The following HEG1 variants were observed in gnomAD, a reference collection of about 807,000 sequenced individuals.
HEG1 encodes the protein heart development protein with EGF like domains 1.
Under a neutral mutation model 125.6 loss-of-function variants are expected in HEG1, and 56 were observed. The observed-to-expected ratio is 0.45, with a 90% confidence interval of 0.36 to 0.56. HEG1 has a LOEUF of 0.56. Ranked by LOEUF, HEG1 falls within the 20% of genes least tolerant of loss-of-function variation. HEG1 has a pLI of 0.00. For missense variants in HEG1, 1,523 were observed against 1,670.0 expected (o/e 0.91, Z 1.53); for synonymous variants, 644 against 668.5 (o/e 0.96, Z 0.57).
chr3:124,991,077 G>C, intron 12 of HEG1, 91 bp from the exon 13 acceptor site: 1 of 923,210 alleles, frequency 1.1e-6, no homozygotes, highest in Admixed American at 2.4e-5. Flanking sequence ...AAGTCCACAA[G>C]ATTATTCTAG....
At chr3:125,034,722 C>A (rs866986099) in intron 1 of HEG1, among the ~76,000 whole-genome samples, 1 of 152,072 alleles carries the variant, frequency 6.6e-6, no homozygotes, top group Admixed American at 6.6e-5. Flanking sequence ...ATTGCTTGAG[C>A]CCGAGACATG....
chr3:125,019,808 T>C (rs926273754), intron 4 of HEG1, among the ~76,000 whole-genome samples: 1 of 152,244 alleles, frequency 6.6e-6, no homozygotes, highest in African/African-American at 2.4e-5. Flanking sequence ...TATAACTTGT[T>C]GAACAGGGGA....
rs560393716 is a variant in HEG1, at chr3:125,038,573, G to A, written c.317-9085C>T. Among the ~76,000 whole-genome samples the A allele has an allele frequency of 3.3e-5, 5 of 152,294 alleles. No individual in the cohort carries two copies. In the South Asian group the frequency reaches 6.2e-4, roughly 19 times the overall value. On this transcript the variant is annotated intron_variant, in intron 1 of 16. Coordinates refer to ENST00000311127, the MANE Select transcript of HEG1 (RefSeq NM_020733.2). ...GCTTTACACCATTCCAGGTGGCATC[G>A]CAGTGGGGACAATGGGTCAAATGCT...
chr3:124,991,059 C>T, intron 12 of HEG1, 73 bp from the exon 13 acceptor site: 3 of 1,188,998 alleles, frequency 2.5e-6, no homozygotes, highest in Non-Finnish European at 2.4e-6. Flanking sequence ...TAAACGCCAG[C>T]CACCCTAAAG....
chr3:125,028,012 C>A (rs1579428271), intron 2 of HEG1, among the ~76,000 whole-genome samples: 1 of 151,962 alleles, frequency 6.6e-6, no homozygotes, highest in African/African-American at 2.4e-5. Context: ...GACCTGAAAC[C>A]ATGGAGTCAT....
intron 12 of HEG1, among the ~76,000 whole-genome samples, chr3:124,991,505 T>C (rs1936833845): frequency 6.6e-6 from 1 of 152,068 alleles, no homozygotes; most frequent in African/African-American, 2.4e-5. Context: ...GCTCTCAATC[T>C]CCCAGCTATA....
rs1236929863 is a variant in HEG1 at position 125,052,831 on chromosome 3, A to G, written c.316+2744T>C. 2.0e-5 allele frequency among the ~76,000 whole-genome samples: 3 copies of G among 152,240 alleles called. No homozygotes were observed. The East Asian group carries it at 5.8e-4, about 29-fold the overall frequency. On this transcript the variant is annotated intron_variant, in intron 1 of 16. Transcript: ENST00000311127. Reference sequence around the variant, plus strand: ...TCTCCAGGGACTTACAGTCTAATACAGGCAAACAATCCACATAATGGAATG... The same window carrying G: ...TCTCCAGGGACTTACAGTCTAATACGGGCAAACAATCCACATAATGGAATG...
chr3:125,011,160 C>G (rs560191006), intron 6 of HEG1, among the ~76,000 whole-genome samples: 1 of 151,612 alleles, frequency 6.6e-6, no homozygotes, highest in Non-Finnish European at 1.5e-5. Context: ...TTAGAGAAGC[C>G]GAAGCCTACA....
chr3:125,033,853 A>C (rs776224106), intron 1 of HEG1, among the ~76,000 whole-genome samples: 4 of 152,208 alleles, frequency 2.6e-5, no homozygotes, highest in African/African-American at 7.2e-5. Context: ...AGGAGCAAGA[A>C]CATTATTGTG....
Position 125,055,911 on chromosome 3 carries a change from C to T in HEG1, c.-21G>A, listed in dbSNP as rs1476157002. 2.5e-4 allele frequency: 246 copies of T among 976,454 alleles called. No homozygotes were observed. Among genetic ancestry groups the T allele is most frequent in the Non-Finnish European group, 2.9e-4 (237 of 825,476 alleles). 60.5% of individuals were successfully genotyped at this position (976,454 alleles called of 1,614,324 possible). On this transcript the variant is annotated 5_prime_UTR_variant, in exon 1 of 17. Coordinates refer to ENST00000311127, the MANE Select transcript of HEG1 (RefSeq NM_020733.2). Reference sequence around the variant, plus strand: ...GCCATGGTGACGGCGCCCGCCCGCGCTCACATGCCCGGCGCGCGGGGCGAG... The same window carrying T: ...GCCATGGTGACGGCGCCCGCCCGCGTTCACATGCCCGGCGCGCGGGGCGAG...
At chr3:125,021,268 T>C in intron 3 of HEG1, 138 bp from the exon 4 acceptor site, 1 of 655,480 alleles carries the variant, frequency 1.5e-6, no homozygotes, top group Non-Finnish European at 2.6e-6. Flanking sequence ...TACAAACATA[T>C]CTATACACAC....
intron 1 of HEG1, among the ~76,000 whole-genome samples, chr3:125,034,879 G>C (rs1330293307): frequency 1.3e-5 from 2 of 152,146 alleles, no homozygotes; most frequent in Non-Finnish European, 2.9e-5. Context: ...ATGAAAAAGA[G>C]GTTAAGAGAC....
At chr3:125,017,686 T>C (rs921661536) in intron 5 of HEG1, among the ~76,000 whole-genome samples, 1 of 152,048 alleles carries the variant, frequency 6.6e-6, no homozygotes, top group African/African-American at 2.4e-5. Flanking sequence ...AGGTTAAAAA[T>C]AGAGCAGCCA....
rs946494900 is a variant in HEG1, at chr3:125,047,066, T to C, written c.316+8509A>G. ...CAAATCATGAAAGTTGGCTCTTTCCTCTCCATGTTTAAGGCTAAGAAGCAA... is the reference window on the plus strand; with the variant it reads ...CAAATCATGAAAGTTGGCTCTTTCCCCTCCATGTTTAAGGCTAAGAAGCAA... On this transcript the variant is annotated intron_variant, in intron 1 of 16. Coordinates refer to ENST00000311127, the MANE Select transcript of HEG1 (RefSeq NM_020733.2). 3.3e-5 allele frequency among the ~76,000 whole-genome samples: 5 copies of C among 152,344 alleles called. No individual in the cohort carries two copies. The South Asian group carries it at 1.0e-3, about 32-fold the overall frequency.
rs766138288 is a variant in HEG1, at chr3:125,019,560, C to T, written c.1290G>A (p.Val430=). The T allele has an allele frequency of 6.2e-7, 1 of 1,607,336 alleles. No homozygotes were observed. Among genetic ancestry groups the T allele is most frequent in the Non-Finnish European group, 8.5e-7 (1 of 1,174,260 alleles). Residue 430 remains valine, a synonymous_variant, in exon 5 of 17, where the codon GTG becomes GTA. Transcript: ENST00000311127. The part of the protein sequence containing the change: ...GEHQLASSSE[V]QNGSPMSQTE... ...TCTGAGACATGGGACTTCCATTTTG[C>T]ACCTCAGAGCTGCTGGCAAGCTGAT... is the stretch of plus-strand genomic sequence containing the variant.
At chr3:125,010,397 G>T in intron 7 of HEG1, 42 bp downstream of exon 7, 1 of 1,247,924 alleles carries the variant, frequency 8.0e-7, no homozygotes, top group Non-Finnish European at 1.1e-6. Context: ...AGCCCAACGT[G>T]GTACTGTGGT....
chr3:125,055,739 C>T lies in HEG1; in HGVS notation c.152G>A (p.Gly51Glu). The change falls in exon 1 of 17, where the codon GGG becomes GAG. Residue 51 changes from glycine (G) to glutamate (E), a missense_variant. By Grantham distance (98) the Gly-to-Glu change is moderately conservative. Coordinates refer to ENST00000311127, the MANE Select transcript of HEG1 (RefSeq NM_020733.2). ...ALSLAPLAGA[G>E]LELQLERRPE... is the part of the protein sequence containing the mutation. ...GCGGCGCTCCAGCTGCAGCTCCAGC[C>T]CCGCTCCCGCGAGGGGCGCCAGGCT... 1 of 1,028,564 alleles carries T rather than the reference C, an allele frequency of 9.7e-7. No homozygotes were observed. Among genetic ancestry groups the T allele is most frequent in the Non-Finnish European group, 1.2e-6 (1 of 859,944 alleles). 63.7% of individuals were successfully genotyped at this position (1,028,564 alleles called of 1,614,324 possible).
intron 1 of HEG1, among the ~76,000 whole-genome samples, chr3:125,043,946 G>A (rs1013028024): frequency 1.1e-4 from 16 of 152,216 alleles, no homozygotes; most frequent in Admixed American, 8.5e-4. Flanking sequence ...TGGGCAGCCC[G>A]GCCTGGGCCC....
At chr3:125,021,814 C>T (rs541925900) in intron 3 of HEG1, among the ~76,000 whole-genome samples, 3 of 152,310 alleles carry the variant, frequency 2.0e-5, no homozygotes, top group African/African-American at 7.2e-5. Flanking sequence ...TATTATTACC[C>T]CACAAATTTA....
Sources: gnomAD v4.1 joint callset for allele counts (sites outside exome capture counted in the v4.1 genomes callset) on GRCh38, gnomAD v4.1.1 for gene constraint, MANE v1.5 for transcripts, NCBI Gene and HGNC (gene_info 2026-07-23, HGNC 2026-07-21) for gene names.